The following PIK3R2 variants were observed in gnomAD, a reference collection of about 807,000 sequenced individuals.
PIK3R2 encodes phosphatidylinositol 3-kinase regulatory subunit beta.
PIK3R2 carries 40 observed loss-of-function variants against 78.5 expected under a neutral mutation model. That is an observed-to-expected ratio of 0.51 (90% CI 0.40 to 0.66). The LOEUF is 0.66. Among genes scored for constraint, PIK3R2 ranks in the 30% least tolerant of loss-of-function variants. The pLI is 0.00. For synonymous variants in PIK3R2, 473 were observed against 457.7 expected, an observed-to-expected ratio of 1.03 and a Z score of -0.43; for missense variants, 880 against 1,026.6, an observed-to-expected ratio of 0.86 and a Z score of 1.95.
At chr19:18,157,243 G>C (rs555500535) in intron 2 of PIK3R2, among the ~76,000 whole-genome samples, 1 of 152,210 alleles carries the variant, frequency 6.6e-6, no homozygotes. Flanking sequence ...CCAGGCCTGC[G>C]TCCTGCCTCG....
chr19:18,169,249 C>T lies in PIK3R2; in HGVS notation c.2142C>T (p.His714=). 1 of 1,572,732 alleles carries T rather than the reference C, an allele frequency of 6.4e-7. No homozygotes were observed. Among genetic ancestry groups the T allele is most frequent in the South Asian group, 1.1e-5 (1 of 88,596 alleles). Residue 714 remains histidine, a synonymous_variant, in exon 16 of 16, where the codon CAC becomes CAT. Coordinates refer to ENST00000222254, the MANE Select transcript of PIK3R2 (RefSeq NM_005027.4). ...HNDALTVTLA[H]PVRAPGPGPP... ...ACGCGCTCACCGTCACCCTGGCGCA[C>T]CCAGTGCGCGCCCCGGGCCCCGGCC...
At chr19:18,160,139 G>A (rs970580043) in intron 2 of PIK3R2, among the ~76,000 whole-genome samples, 3 of 152,230 alleles carry the variant, frequency 2.0e-5, no homozygotes, top group Admixed American at 6.5e-5. Flanking sequence ...CACCTGCAAA[G>A]ACCTATTTCC....
Position 18,161,163 on chromosome 19 carries a change from C to G in PIK3R2, c.576C>G (p.Ala192=), listed in dbSNP as rs1463748715. 6.5e-7 allele frequency: 1 copy of G among 1,547,250 alleles called. No homozygotes were observed. ...PAPLVTPEAS[A]EARRALREAA... Reference sequence around the variant, plus strand: ...CGCTCGTGACCCCCGAGGCCTCGGCCGAGGCGCGCCGGGCCCTGCGGGGTG... The same window carrying G: ...CGCTCGTGACCCCCGAGGCCTCGGCGGAGGCGCGCCGGGCCCTGCGGGGTG... Residue 192 remains alanine, a synonymous_variant, in exon 5 of 16, where the codon GCC becomes GCG. Transcript: ENST00000222254. This position sits in a 1 kb window ranked among gnomAD's most constrained non-coding sequence, Gnocchi z 5.3.
At chr19:18,160,016 G>A (rs1396117511) in intron 2 of PIK3R2, among the ~76,000 whole-genome samples, 3 of 152,148 alleles carry the variant, frequency 2.0e-5, no homozygotes, top group Non-Finnish European at 4.4e-5. Flanking sequence ...TGGGATTCCA[G>A]GCTTGAGCCG....
At position 18,168,710 on chromosome 19, in the gene PIK3R2, C is replaced by A; in HGVS notation, c.1809-16C>A. ...TGAGTGACCAGGGCCCTCCCCGCCA[C>A]CGCCCCCCACCCCAGCCAGTACGCA... is the stretch of plus-strand genomic sequence containing the variant. On this transcript the variant is annotated splice_polypyrimidine_tract_variant and intron_variant, in intron 14 of 15. Coordinates refer to ENST00000222254, the MANE Select transcript of PIK3R2 (RefSeq NM_005027.4). This position sits in a 1 kb window ranked among gnomAD's most constrained non-coding sequence, Gnocchi z 4.1. 6.3e-7 allele frequency: 1 copy of A among 1,595,188 alleles called. No homozygotes were observed.
intron 11 of PIK3R2, among the ~76,000 whole-genome samples, chr19:18,163,893 G>A (rs1271665319): frequency 6.6e-6 from 1 of 151,652 alleles, no homozygotes; most frequent in Admixed American, 6.6e-5. Flanking sequence ...TTGGGAGGCC[G>A]AGATGGGTGG....
intron 3 of PIK3R2, 166 bp downstream of exon 3, chr19:18,160,729 A>C (rs2043732935): frequency 1.2e-6 from 1 of 861,478 alleles, no homozygotes; most frequent in South Asian, 1.6e-5. Context: ...TCCTAAGGGA[A>C]GATGGGAAGG....
chr19:18,158,495 AAACAACAAC>A (rs532683323), intron 2 of PIK3R2, among the ~76,000 whole-genome samples: 2 of 149,938 alleles, frequency 1.3e-5, no homozygotes, highest in Admixed American at 1.3e-4. Context: ...CATCTCAAAA[AAACAACAAC>A]AACAACAACA....
At chr19:18,164,603 G>A (rs1049019655) in intron 11 of PIK3R2, among the ~76,000 whole-genome samples, 1 of 151,592 alleles carries the variant, frequency 6.6e-6, no homozygotes, top group Non-Finnish European at 1.5e-5. Flanking sequence ...GTCGTCCCTA[G>A]TACCCTAAGG....
Position 18,163,363 on chromosome 19 carries a change from A to G in PIK3R2, c.1391A>G (p.Tyr464Cys). 2 of 1,614,060 alleles carry G rather than the reference A, an allele frequency of 1.2e-6. No individual in the cohort carries two copies. Among genetic ancestry groups the G allele is most frequent in the Non-Finnish European group, 1.7e-6 (2 of 1,180,004 alleles). ...AAGAGCCGCGAGTATGACCAGCTTT[A>G]TGAAGAGTACACACGGACCTCCCAG... is the stretch of plus-strand genomic sequence containing the variant. Reference protein sequence around the residue: ...QDKSREYDQLYEEYTRTSQEL... With the variant: ...QDKSREYDQLCEEYTRTSQEL... The change falls in exon 11 of 16, where the codon TAT (tyrosine) becomes TGT (cysteine). Residue 464 changes from tyrosine to cysteine, a missense_variant. By Grantham distance (194) the Tyr-to-Cys change is radical. Transcript: ENST00000222254.
rs1031868467 is a variant in PIK3R2, at chr19:18,169,564, C to T, written c.*270C>T. The stretch of plus-strand genomic sequence containing the variant: ...CCCCCACCCCATATCTACGTGTCCT[C>T]CGGGCATTGCCCTCTCCATGGCTCT... On this transcript the variant is annotated 3_prime_UTR_variant, in exon 16 of 16. Transcript: ENST00000222254. The T allele has an allele frequency of 3.9e-5, 12 of 308,200 alleles. No individual in the cohort carries two copies. Among genetic ancestry groups the T allele is most frequent in the African/African-American group, 2.6e-4 (12 of 45,660 alleles). 19.1% of individuals were successfully genotyped at this position (308,200 alleles called of 1,614,324 possible). A position where few individuals can be genotyped will look rare whatever the true frequency, so the allele number is the denominator to read the frequency against.
rs2043750919 is a variant in PIK3R2 at position 18,161,837 on chromosome 19, TCTC to T, written c.816-121_816-119del. ...TGGCCTCGCACATGTGCCTGTATCA[TCTC>T]CTCCTCCGCCCTGCACATACTGTCT... is the stretch of plus-strand genomic sequence containing the variant. On this transcript the variant is annotated intron_variant, in intron 6 of 15. Coordinates refer to ENST00000222254, the MANE Select transcript of PIK3R2 (RefSeq NM_005027.4). This position sits in a 1 kb window ranked among gnomAD's most constrained non-coding sequence, Gnocchi z 5.3. The T allele has an allele frequency of 5.6e-6, 4 of 720,690 alleles. No individual in the cohort carries two copies. Among genetic ancestry groups the T allele is most frequent in the African/African-American group, 1.8e-5 (1 of 57,078 alleles). 44.6% of individuals were successfully genotyped at this position (720,690 alleles called of 1,614,324 possible).
At chr19:18,157,606 G>A (rs950385219) in intron 2 of PIK3R2, among the ~76,000 whole-genome samples, 3 of 152,128 alleles carry the variant, frequency 2.0e-5, no homozygotes, top group Non-Finnish European at 4.4e-5. Context: ...CTGCAAAGTC[G>A]GGGTGATGCA....
intron 12 of PIK3R2, among the ~76,000 whole-genome samples, chr19:18,166,695 GAA>G (rs1264229643): frequency 8.3e-6 from 1 of 121,038 alleles, no homozygotes; most frequent in East Asian, 2.3e-4. Flanking sequence ...GGGTGACAGA[GAA>G]AGACTGTCTC....
In PIK3R2 at chr19:18,161,207, G is replaced by T; in HGVS notation, c.598+22G>T. 1 of 1,536,582 alleles carries T rather than the reference G, an allele frequency of 6.5e-7. No homozygotes were observed. On this transcript the variant is annotated intron_variant, in intron 5 of 15. Transcript: ENST00000222254. The surrounding 1 kb of genome is among the most constrained non-coding windows in gnomAD (Gnocchi z 5.3). Reference sequence around the variant, plus strand: ...CGGGGTGAGCCTGGCGGGTAGCCCGGGGGAAGGAGGGGGCTGTAGCGGGTG... The same window carrying T: ...CGGGGTGAGCCTGGCGGGTAGCCCGTGGGAAGGAGGGGGCTGTAGCGGGTG...
intron 2 of PIK3R2, among the ~76,000 whole-genome samples, chr19:18,157,303 C>T (rs1400136458): frequency 1.3e-5 from 2 of 152,194 alleles, no homozygotes; most frequent in African/African-American, 4.8e-5. Context: ...CCAGAATCTG[C>T]CTCTCCCCCT....
At position 18,161,551 on chromosome 19, in the gene PIK3R2, C is replaced by A; in HGVS notation, c.815+56C>A. On this transcript the variant is annotated intron_variant, in intron 6 of 15. Coordinates refer to ENST00000222254, the MANE Select transcript of PIK3R2 (RefSeq NM_005027.4). This position sits in a 1 kb window ranked among gnomAD's most constrained non-coding sequence, Gnocchi z 5.3. ...GGGGTGGAGTTTGGGGTGGGGCGGG[C>A]GGGGCATGGCCAGAGTGAGCGGCGT... is the stretch of plus-strand genomic sequence containing the variant. The A allele has an allele frequency of 6.1e-6, 1 of 163,498 alleles. No individual in the cohort carries two copies. The highest frequency in any genetic ancestry group is 1.1e-5 in the Non-Finnish European group (1 of 93,378). 10.1% of individuals were successfully genotyped at this position (163,498 alleles called of 1,614,324 possible).
intron 11 of PIK3R2, among the ~76,000 whole-genome samples, chr19:18,164,635 G>GTT (rs755335615): frequency 3.0e-4 from 39 of 131,048 alleles, no homozygotes; most frequent in East Asian, 1.2e-3. Flanking sequence ...TCTTTTTTTT[G>GTT]TTTTGTTTTT....
Position 18,167,008 on chromosome 19 carries a change from C to A in PIK3R2, c.1560-122C>A. 1 of 714,740 alleles carries A rather than the reference C, an allele frequency of 1.4e-6. No homozygotes were observed. The highest frequency in any genetic ancestry group is 2.2e-6 in the Non-Finnish European group (1 of 452,214). 44.3% of individuals were successfully genotyped at this position (714,740 alleles called of 1,614,324 possible). A position where few individuals can be genotyped will look rare whatever the true frequency, so the allele number is the denominator to read the frequency against. On this transcript the variant is annotated intron_variant, in intron 12 of 15. Transcript: ENST00000222254. The surrounding 1 kb of genome is among the most constrained non-coding windows in gnomAD (Gnocchi z 4.5). ...AATGTTAGCCAGACATGGTGGTGCA[C>A]ACCTGTGGTCCCAGCTACTCGGGAG... is the stretch of plus-strand genomic sequence containing the variant.
Sources: allele counts gnomAD v4.1 joint callset (sites outside exome capture counted in the v4.1 genomes callset), GRCh38; gene constraint gnomAD v4.1.1; non-coding constraint Gnocchi (gnomAD v3.1); transcripts MANE v1.5; gene names NCBI Gene and HGNC (gene_info 2026-07-23, HGNC 2026-07-21).